The following THSD4 variants were observed in gnomAD, a reference collection of about 807,000 sequenced individuals.
The protein encoded by THSD4 is thrombospondin type-1 domain-containing protein 4.
In THSD4, 69 loss-of-function variants were observed where a neutral mutation model predicts 119.0. The ratio of observed to expected loss-of-function variants is 0.58; its 90% CI spans 0.48 to 0.71. The LOEUF (loss-of-function observed/expected upper bound fraction) is 0.71, where lower values mean the gene tolerates loss of function less well. Among genes scored for constraint, THSD4 ranks in the 30% least tolerant of loss-of-function variants. The pLI is 0.00. For missense variants in THSD4, 1,393 were observed against 1,391.1 expected (o/e 1.00, Z -0.02); for synonymous variants, 524 against 540.4 (o/e 0.97, Z 0.42).
chr15:71,349,511 C>T (rs2045716981), intron 6 of THSD4, among the ~76,000 whole-genome samples: 1 of 152,146 alleles, frequency 6.6e-6, no homozygotes, highest in Non-Finnish European at 1.5e-5. Flanking sequence ...TTTCTGTCTA[C>T]GTAGCACCTG....
intron 7 of THSD4, among the ~76,000 whole-genome samples, chr15:71,582,960 C>T (rs1446741481): frequency 6.6e-6 from 1 of 152,044 alleles, no homozygotes; most frequent in Non-Finnish European, 1.5e-5. Flanking sequence ...TTTGGAAATG[C>T]TCTCTCCCTT....
chr15:71,259,385 A>G (rs1192013893), intron 6 of THSD4, among the ~76,000 whole-genome samples: 1 of 152,198 alleles, frequency 6.6e-6, no homozygotes, highest in African/African-American at 2.4e-5. Context: ...CATCAAGGTT[A>G]TGGTATTTTG....
intron 4 of THSD4, among the ~76,000 whole-genome samples, chr15:71,231,901 T>G (rs1405561069): frequency 6.6e-6 from 1 of 152,226 alleles, no homozygotes; most frequent in Non-Finnish European, 1.5e-5. Context: ...AGAAGACATC[T>G]GCACTCAACC....
rs184869151 is a variant in THSD4, at chr15:71,253,569, G to A, written c.913-3044G>A. 1.1e-3 allele frequency among the ~76,000 whole-genome samples: 165 copies of A among 152,022 alleles called. 1 individual carries two copies. The highest frequency in any genetic ancestry group is 4.0e-3 in the African/African-American group (164 of 41,464). On this transcript the variant is annotated intron_variant, in intron 5 of 17. Coordinates refer to ENST00000261862, the MANE Select transcript of THSD4 (RefSeq NM_024817.3). ...ATCACAGGTGCATGCCACCATGCCC[G>A]GCTAATTTTTTGTATTTTTAATAGA... is the stretch of plus-strand genomic sequence containing the variant.
intron 6 of THSD4, among the ~76,000 whole-genome samples, chr15:71,353,695 A>T (rs906240512): frequency 2.0e-4 from 30 of 152,228 alleles, no homozygotes; most frequent in East Asian, 1.2e-3. Context: ...CCAAAGAAAG[A>T]GGAGCCAGGA....
intron 7 of THSD4, among the ~76,000 whole-genome samples, chr15:71,532,283 A>AGAGTGT (rs1379506089): frequency 8.0e-4 from 81 of 101,644 alleles, no homozygotes; most frequent in South Asian, 2.0e-3. Flanking sequence ...AGAGAGAGAG[A>AGAGTGT]GTGTGTGTGT....
chr15:71,369,692 T>C (rs1175010088), intron 6 of THSD4, among the ~76,000 whole-genome samples: 1 of 152,236 alleles, frequency 6.6e-6, no homozygotes, highest in Non-Finnish European at 1.5e-5. Context: ...GCCAGTATTT[T>C]ATTGAGGATT....
intron 2 of THSD4, among the ~76,000 whole-genome samples, chr15:71,147,018 C>A (rs2141376084): frequency 6.6e-6 from 1 of 152,248 alleles, no homozygotes; most frequent in African/African-American, 2.4e-5. Context: ...ATTTTTATGC[C>A]TTGGGTTAAC....
intron 8 of THSD4, among the ~76,000 whole-genome samples, chr15:71,706,153 C>G (rs952264131): frequency 6.6e-6 from 1 of 152,150 alleles, no homozygotes; most frequent in African/African-American, 2.4e-5. Flanking sequence ...GGCTGGCCTT[C>G]CGAACAGAAG....
At chr15:71,436,384 A>G (rs1198475740) in intron 7 of THSD4, among the ~76,000 whole-genome samples, 2 of 152,258 alleles carry the variant, frequency 1.3e-5, no homozygotes, top group Admixed American at 6.5e-5. Context: ...GCTATACTCA[A>G]TGCTAGTCAA....
chr15:71,612,590 CA>C (rs1567062501), intron 7 of THSD4, among the ~76,000 whole-genome samples: 1 of 152,100 alleles, frequency 6.6e-6, no homozygotes, highest in African/African-American at 2.4e-5. Flanking sequence ...TTGATGGAGA[CA>C]AGAGGGATAT....
At chr15:71,621,596 T>A in intron 7 of THSD4, among the ~76,000 whole-genome samples, 1 of 152,348 alleles carries the variant, frequency 6.6e-6, no homozygotes, top group Non-Finnish European at 1.5e-5. Flanking sequence ...GATATTCTGA[T>A]TAACTGTTAC....
intron 6 of THSD4, among the ~76,000 whole-genome samples, chr15:71,322,410 C>T (rs1026138037): frequency 6.6e-6 from 1 of 152,154 alleles, no homozygotes; most frequent in African/African-American, 2.4e-5. Flanking sequence ...CCTGTTAAAT[C>T]TTCGTGACTT....
rs570457683 is a variant in THSD4 at position 71,194,919 on chromosome 15, G to A, written c.100-20116G>A. On this transcript the variant is annotated intron_variant, in intron 3 of 17. Coordinates refer to ENST00000261862, the MANE Select transcript of THSD4 (RefSeq NM_024817.3). The stretch of plus-strand genomic sequence containing the variant: ...GAGAAGCTGCCCTGGGAAAGTCGGC[G>A]GCCACCAGAGAAGCAGGAACAGGAA... Among the ~76,000 whole-genome samples the A allele has an allele frequency of 7.9e-5, 12 of 152,064 alleles. No homozygotes were observed. The South Asian group carries it at 1.9e-3, about 24-fold the overall frequency.
intron 8 of THSD4, among the ~76,000 whole-genome samples, chr15:71,724,293 TTTTTC>T (rs200981741): frequency 1.0e-4 from 6 of 59,980 alleles, no homozygotes; most frequent in African/African-American, 1.5e-4. Flanking sequence ...ATATATTTTT[TTTTTC>T]CCCCCAAGAT....
chr15:71,770,236 G>A, intron 16 of THSD4, among the ~76,000 whole-genome samples: 1 of 71,200 alleles, frequency 1.4e-5, no homozygotes, highest in Non-Finnish European at 2.5e-5. Flanking sequence ...CAACAAGAGG[G>A]AAACTCCATC....
At chr15:71,516,400 C>G (rs1210794310) in intron 7 of THSD4, among the ~76,000 whole-genome samples, 1 of 152,154 alleles carries the variant, frequency 6.6e-6, no homozygotes, top group Non-Finnish European at 1.5e-5. Context: ...GCTTAAAATA[C>G]CGTAAATCCC....
chr15:71,150,261 G>A (rs1434096540), intron 2 of THSD4, among the ~76,000 whole-genome samples: 2 of 152,216 alleles, frequency 1.3e-5, no homozygotes, highest in African/African-American at 4.8e-5. Flanking sequence ...TTTGAATTGG[G>A]TCAGGAGGAA....
At chr15:71,642,964 TAAA>T (rs1015985543) in intron 7 of THSD4, among the ~76,000 whole-genome samples, 1 of 151,988 alleles carries the variant, frequency 6.6e-6, no homozygotes, top group Non-Finnish European at 1.5e-5. Flanking sequence ...AATAAAAAAA[TAAA>T]AAAGAGTCTA....
Sources: gnomAD v4.1 joint callset for allele counts (sites outside exome capture counted in the v4.1 genomes callset) on GRCh38, gnomAD v4.1.1 for gene constraint, MANE v1.5 for transcripts, NCBI Gene and HGNC (gene_info 2026-07-23, HGNC 2026-07-21) for gene names.